The following SELENON variants were observed in gnomAD, a reference collection of about 807,000 sequenced individuals.
SELENON encodes selenoprotein N.
SELENON carries 44 observed loss-of-function variants against 59.5 expected under a neutral mutation model. The ratio of observed to expected loss-of-function variants is 0.74; its 90% CI spans 0.58 to 0.95. SELENON has a LOEUF of 0.95. Ranked by LOEUF, SELENON falls within the 40% of genes least tolerant of loss-of-function variation. The probability of loss-of-function intolerance (pLI) is 0.00; values close to 1 mark genes in which losing one functional copy is unlikely to be tolerated. For missense variants in SELENON, 674 were observed against 721.4 expected (o/e 0.93, Z 0.75); for synonymous variants, 320 against 305.6 (o/e 1.05, Z -0.49).
In SELENON at chr1:25,815,620, T is replaced by C; in HGVS notation, c.1675T>C (p.Phe559Leu). The C allele has an allele frequency of 6.2e-7, 1 of 1,614,208 alleles. No homozygotes were observed. Among genetic ancestry groups the C allele is most frequent in the African/African-American group, 1.3e-5 (1 of 75,052 alleles). The change falls in exon 13 of 13, where the codon TTC becomes CTC. Residue 559 changes from phenylalanine to leucine, a missense_variant. Coordinates refer to ENST00000361547, the MANE Select transcript of SELENON (RefSeq NM_020451.3). ...GCCCGAGGAAATCGAGAGCAATCTC[T>C]TCAGCTTCTCATCCACCTTTGAAGA...
Position 25,814,111 on chromosome 1 carries a change from C to T in SELENON, c.1535C>T (p.Ala512Val), listed in dbSNP as rs202167521. The change falls in exon 12 of 13, where the codon GCT (alanine) becomes GTT (valine). Residue 512 changes from alanine (A) to valine (V), a missense_variant. By Grantham distance (64) the Ala-to-Val change is moderately conservative (BLOSUM62 0). Transcript: ENST00000361547. ...GAGAACTCGTCCCACCAGAAGCTGG[C>T]TGGCCTGCACCTGGAGAAGTACAGC... 3.7e-5 allele frequency: 59 copies of T among 1,614,106 alleles called. 1 individual carries two copies. The highest frequency in any genetic ancestry group is 2.0e-4 in the African/African-American group (15 of 74,934).
In SELENON at chr1:25,805,194, C is replaced by G. The variant is rs202188924; in HGVS notation, c.456C>G (p.Ser152Arg). 1 of 1,614,102 alleles carries G rather than the reference C, an allele frequency of 6.2e-7. No individual in the cohort carries two copies. Among genetic ancestry groups the G allele is most frequent in the Non-Finnish European group, 8.5e-7 (1 of 1,180,030 alleles). Residue 152 changes from serine (S) to arginine (R), a missense_variant, in exon 4 of 13, where the codon AGC (serine) becomes AGG (arginine). Ser to Arg is a moderately radical substitution (Grantham distance 110). Transcript: ENST00000361547. ...AGGAGGAGTTGCCCCCTGACCCTAG[C>G]GAGGAGACGCTCACCATAGAAGCCC...
rs758506235 is a variant in SELENON at position 25,805,269 on chromosome 1, C to T, written c.531C>T (p.Phe177=). The T allele has an allele frequency of 2.5e-6, 4 of 1,614,054 alleles. No homozygotes were observed. The highest frequency in any genetic ancestry group is 3.4e-6 in the Non-Finnish European group (4 of 1,180,000). Residue 177 remains phenylalanine, a synonymous_variant, in exon 4 of 13, where the codon TTC becomes TTT. Coordinates refer to ENST00000361547, the MANE Select transcript of SELENON (RefSeq NM_020451.3). ...CCATGACCAAGAGCAAAGATGGCTT[C>T]CTAGGGGTGAGTTGGGGACCACAGG...
chr1:25,805,329 T>C, intron 4 of SELENON, 54 bp downstream of exon 3: 1 of 1,611,192 alleles, frequency 6.2e-7, no homozygotes, highest in Admixed American at 1.7e-5. Flanking sequence ...CGAAGATGAG[T>C]TTCTGCTCCA....
At chr1:25,803,717 T>G (rs202164418) in intron 3 of SELENON, among the ~76,000 whole-genome samples, 25 of 140,330 alleles carry the variant, frequency 1.8e-4, no homozygotes, top group East Asian at 1.2e-3. Context: ...TGTTTTTTTG[T>G]TTTTTTTTTT....
chr1:25,806,983 G>A lies in SELENON; in HGVS notation c.538-1597G>A, dbSNP rs369565434. 1.2e-3 allele frequency among the ~76,000 whole-genome samples: 183 copies of A among 152,068 alleles called. 1 individual carries two copies. Among genetic ancestry groups the A allele is most frequent in the African/African-American group, 4.2e-3 (175 of 41,488 alleles). ...ACTACAGGTGCCCACCACCACACCC[G>A]GCTAATTTCTTTGTATTTTTAGTAG... On this transcript the variant is annotated intron_variant, in intron 4 of 12. Coordinates refer to ENST00000361547, the MANE Select transcript of SELENON (RefSeq NM_020451.3).
rs765216731 is a variant in SELENON at position 25,811,523 on chromosome 1, C to G, written c.1080C>G (p.Gly360=). ...GCAGCAACATGGAGGTGGACATCGG[C>G]TACATACCCCAGGTGAGCGCACAGG... The change falls in exon 8 of 13, where the codon GGC becomes GGG. Residue 360 remains glycine, a synonymous_variant. Coordinates refer to ENST00000361547, the MANE Select transcript of SELENON (RefSeq NM_020451.3). 4.3e-6 allele frequency: 7 copies of G among 1,614,018 alleles called. No individual in the cohort carries two copies. Among genetic ancestry groups the G allele is most frequent in the Non-Finnish European group, 5.9e-6 (7 of 1,180,024 alleles).
At chr1:25,806,316 C>T (rs1208416691) in intron 4 of SELENON, among the ~76,000 whole-genome samples, 2 of 152,226 alleles carry the variant, frequency 1.3e-5, no homozygotes, top group Non-Finnish European at 2.9e-5. Context: ...GGCTGAATAT[C>T]GTGCAGATTT....
chr1:25,812,721 G>T lies in SELENON; in HGVS notation c.1316G>T (p.Arg439Leu), dbSNP rs758344508. ...TTGCCGTTCACTGAGGCCTTCGACC[G>T]AGCCAAGGCTGAGAACAAGCTGGTG... Residue 439 changes from arginine (R) to leucine (L), a missense_variant, in exon 10 of 13, where the codon CGA becomes CTA. Arg to Leu is a moderately radical substitution (Grantham distance 102). Transcript: ENST00000361547. The T allele has an allele frequency of 6.2e-7, 1 of 1,612,972 alleles. No individual in the cohort carries two copies. The highest frequency in any genetic ancestry group is 1.7e-5 in the Admixed American group (1 of 59,968).
chr1:25,808,587 G>T lies in SELENON; in HGVS notation c.545G>T (p.Arg182Leu), dbSNP rs200224030. ...TGCTTTCCCCCGCCCCAGGTCTCCCGCCTCGCCCTGTCCGGCCTCCGAAAC... is the reference window on the plus strand; with the variant it reads ...TGCTTTCCCCCGCCCCAGGTCTCCCTCCTCGCCCTGTCCGGCCTCCGAAAC... Residue 182 changes from arginine to leucine, a missense_variant, in exon 5 of 13, where the codon CGC becomes CTC. Coordinates refer to ENST00000361547, the MANE Select transcript of SELENON (RefSeq NM_020451.3). 1 of 1,613,416 alleles carries T rather than the reference G, an allele frequency of 6.2e-7. No homozygotes were observed. Among genetic ancestry groups the T allele is most frequent in the Non-Finnish European group, 8.5e-7 (1 of 1,179,830 alleles).
At position 25,808,596 on chromosome 1, in the gene SELENON, T is replaced by G. The variant is rs941512224; in HGVS notation, c.554T>G (p.Leu185Arg). ...CCGCCCCAGGTCTCCCGCCTCGCCC[T>G]GTCCGGCCTCCGAAACTGGACAGCC... The change falls in exon 5 of 13, where the codon CTG becomes CGG. Residue 185 changes from leucine to arginine, a missense_variant. Physicochemically the swap from Leu to Arg is moderately radical, Grantham distance 102. Coordinates refer to ENST00000361547, the MANE Select transcript of SELENON (RefSeq NM_020451.3). The G allele has an allele frequency of 6.2e-7, 1 of 1,613,684 alleles. No individual in the cohort carries two copies.
chr1:25,807,027 T>C lies in SELENON; in HGVS notation c.538-1553T>C, dbSNP rs1344567085. On this transcript the variant is annotated intron_variant, in intron 4 of 12. Coordinates refer to ENST00000361547, the MANE Select transcript of SELENON (RefSeq NM_020451.3). The surrounding 1 kb of genome is among the most constrained non-coding windows in gnomAD (Gnocchi z 4.5). ...TTAGTAGAGACGGGGTTTCACCATG[T>C]TGACCAGGATGGTTTCAATCTCCTG... Among the ~76,000 whole-genome samples the C allele has an allele frequency of 2.0e-5, 3 of 152,138 alleles. No individual in the cohort carries two copies. Among genetic ancestry groups the C allele is most frequent in the African/African-American group, 7.2e-5 (3 of 41,432 alleles).
intron 6 of SELENON, 152 bp from the exon 6 acceptor site, chr1:25,809,531 A>G: frequency 9.0e-7 from 1 of 1,109,046 alleles, no homozygotes. Flanking sequence ...TCGAAGGATG[A>G]GCAGCATTTG....
chr1:25,801,184 G>A, intron 2 of SELENON, 24 bp downstream of exon 2: 1 of 1,590,604 alleles, frequency 6.3e-7, no homozygotes, highest in Non-Finnish European at 8.6e-7. Flanking sequence ...CTGGCGGCTG[G>A]GGAGGAGGGC....
intron 11 of SELENON, 26 bp downstream of exon 10, chr1:25,814,019 G>A: frequency 6.2e-7 from 1 of 1,612,182 alleles, no homozygotes; most frequent in Non-Finnish European, 8.5e-7. Flanking sequence ...GCAGGAACAG[G>A]AGCGTCCGGA....
intron 3 of SELENON, among the ~76,000 whole-genome samples, chr1:25,804,920 C>T (rs1444848966): frequency 6.6e-6 from 1 of 152,180 alleles, no homozygotes; most frequent in Non-Finnish European, 1.5e-5. Flanking sequence ...TCTCTGAACA[C>T]TTTCTCATTT....
At chr1:25,800,511 A>G in intron 1 of SELENON, 98 bp downstream of exon 1, 1 of 537,072 alleles carries the variant, frequency 1.9e-6, no homozygotes, top group Non-Finnish European at 2.3e-6. Flanking sequence ...GAGTCGGGGG[A>G]GGCGGAGGGC....
chr1:25,809,227 T>C, intron 6 of SELENON, 77 bp downstream of exon 5: 1 of 1,601,088 alleles, frequency 6.2e-7, no homozygotes, highest in African/African-American at 1.3e-5. Context: ...GGGCCCAGCT[T>C]GAGCCCCCCA....
At chr1:25,805,699 T>C (rs998857059) in intron 4 of SELENON, among the ~76,000 whole-genome samples, 1 of 151,900 alleles carries the variant, frequency 6.6e-6, no homozygotes, top group Non-Finnish European at 1.5e-5. Context: ...CCACGGGGCA[T>C]AGCATGATGC....
Sources: allele counts gnomAD v4.1 joint callset (sites outside exome capture counted in the v4.1 genomes callset), GRCh38; gene constraint gnomAD v4.1.1; non-coding constraint Gnocchi (gnomAD v3.1); transcripts MANE v1.5; gene names NCBI Gene and HGNC (gene_info 2026-07-23, HGNC 2026-07-21).